PLEC: variants seen among roughly 807,000 people sequenced by gnomAD.
The protein encoded by PLEC is plectin, also known as hemidesmosomal protein 1.
In PLEC, 216 loss-of-function variants were observed where a neutral mutation model predicts 392.8. The ratio of observed to expected loss-of-function variants is 0.55; its 90% CI spans 0.49 to 0.62. The LOEUF is 0.62. Ranked by LOEUF, PLEC falls within the 20% of genes least tolerant of loss-of-function variation. The pLI, the probability that PLEC is intolerant of heterozygous loss-of-function variation, is 0.00. For synonymous variants in PLEC, 3,621 were observed against 2,980.6 expected (o/e 1.21, Z -7.00); for missense variants, 6,863 against 6,563.4 (o/e 1.05, Z -1.58).
At chr8:143,929,860 G>A (rs1232961538) in intron 22 of PLEC, 31 bp from the exon 23 acceptor site, 6 of 1,600,144 alleles carry the variant, frequency 3.7e-6, no homozygotes, top group African/African-American at 1.3e-5. Flanking sequence ...TGAGTGCCGG[G>A]CGAGGCGGCC....
At chr8:143,957,928 C>T (rs368782132), upstream of PLEC, among the ~76,000 whole-genome samples, 32 of 152,220 alleles carry the variant, frequency 2.1e-4, no homozygotes, top group African/African-American at 7.2e-4. Context: ...GACAGGCAGA[C>T]ACCCTGCTGG....
At chr8:143,957,184 G>A (rs1312027199), upstream of PLEC, among the ~76,000 whole-genome samples, 2 of 152,202 alleles carry the variant, frequency 1.3e-5, no homozygotes, top group African/African-American at 2.4e-5. Context: ...AAAGGGAGCT[G>A]GGGTAGAGGA....
rs1821166848 is a variant in PLEC, at chr8:143,918,122, G to A, written c.11699C>T (p.Ser3900Leu). Reference protein sequence around the residue: ...KQITMEELVRSQVMDEATALQ... With the variant: ...KQITMEELVRLQVMDEATALQ... Reference sequence around the variant, plus strand: ...CGCCGTGGCCTCGTCCATGACCTGCGAGCGCACCAGCTCCTCCATGGTGAT... The same window carrying A: ...CGCCGTGGCCTCGTCCATGACCTGCAAGCGCACCAGCTCCTCCATGGTGAT... The change falls in exon 32 of 32, where the codon TCG (serine) becomes TTG (leucine). Residue 3900 changes from serine (S) to leucine (L), a missense_variant. Physicochemically the swap from Ser to Leu is moderately radical, Grantham distance 145. Coordinates refer to ENST00000345136, the MANE Select transcript of PLEC (RefSeq NM_201384.3). 3 of 1,598,622 alleles carry A rather than the reference G, an allele frequency of 1.9e-6. No homozygotes were observed. The highest frequency in any genetic ancestry group is 1.1e-5 in the South Asian group (1 of 90,518).
At position 143,922,207 on chromosome 8, in the gene PLEC, C is replaced by T. The variant is rs1554688848; in HGVS notation, c.7614G>A (p.Gln2538=). 2 of 1,555,704 alleles carry T rather than the reference C, an allele frequency of 1.3e-6. No homozygotes were observed. Among genetic ancestry groups the T allele is most frequent in the Admixed American group, 1.9e-5 (1 of 52,300 alleles). The change falls in exon 32 of 32, where the codon CAG becomes CAA. Residue 2538 remains glutamine (Q), a synonymous_variant. Coordinates refer to ENST00000345136, the MANE Select transcript of PLEC (RefSeq NM_201384.3). ...GCTGCCGTTCCTGCTCCATCTGCTG[C>T]TGCTGCCGCTGCTGCTCCTCACGCA... ...QQLREEQQRQ[Q]QQMEQERQRL...
At position 143,919,446 on chromosome 8, in the gene PLEC, G is replaced by C. The variant is rs1586800800; in HGVS notation, c.10375C>G (p.Gln3459Glu). 1 of 1,613,226 alleles carries C rather than the reference G, an allele frequency of 6.2e-7. No homozygotes were observed. The change falls in exon 32 of 32, where the codon CAG becomes GAG. Residue 3459 changes from glutamine to glutamate, a missense_variant. Gln to Glu is a conservative substitution (Grantham distance 29). Transcript: ENST00000345136. The stretch of plus-strand genomic sequence containing the variant: ...GCCTCCAGCAGGCGGATGCCGTGCT[G>C]CCGGAGAACCAGGCCCTTCTGCATG... The part of the protein sequence containing the change: ...QAMQKGLVLR[Q>E]HGIRLLEAQI...
At chr8:143,950,445 G>C (rs889881133) in exon 1 of PLEC, 1 of 1,603,816 alleles carries the variant, frequency 6.2e-7, no homozygotes, top group African/African-American at 1.3e-5. Context: ...TCTGGCGGCA[G>C]GTGCAGGTAC....
Position 143,927,764 on chromosome 8 carries a change from C to T in PLEC, c.3402G>A (p.Lys1134=), listed in dbSNP as rs1825755355. Residue 1134 remains lysine (K), a splice_region_variant and synonymous_variant, in exon 27 of 32, where the codon AAG becomes AAA. Transcript: ENST00000345136. ...ELEATKASLK[K]LRAQAEAQQP... is the part of the protein sequence containing the mutation. Reference sequence around the variant, plus strand: ...GCTGTGCCTCGGCCTGGGCCCGCAGCTTCTGTTGGGGACAGGAGGGACATG... The same window carrying T: ...GCTGTGCCTCGGCCTGGGCCCGCAGTTTCTGTTGGGGACAGGAGGGACATG... 1.2e-6 allele frequency: 2 copies of T among 1,600,870 alleles called. No individual in the cohort carries two copies.
intron 1 of PLEC, among the ~76,000 whole-genome samples, chr8:143,968,530 A>AAAAAAAAAAAG (rs1491388258): frequency 2.4e-5 from 2 of 83,604 alleles, no homozygotes; most frequent in African/African-American, 5.3e-5. Context: ...ACTCCATCTC[A>AAAAAAAAAAAG]AAAAAAAAAA....
rs1833508249 is a variant in PLEC, at chr8:143,973,018, G to A, written c.70+385C>T. ...CTATGTGACCCATTGCCAGGCGGCGGAGCTGCCCCTGTTCCATGCAGACGC... is the reference window on the plus strand; with the variant it reads ...CTATGTGACCCATTGCCAGGCGGCGAAGCTGCCCCTGTTCCATGCAGACGC... On this transcript the variant is annotated intron_variant, in intron 1 of 31. Coordinates refer to the PLEC transcript ENST00000356346. This position sits in a 1 kb window ranked among gnomAD's most constrained non-coding sequence, Gnocchi z 5.6. Among the ~76,000 whole-genome samples, 1 of 152,208 alleles carries A rather than the reference G, an allele frequency of 6.6e-6. No individual in the cohort carries two copies. The highest frequency in any genetic ancestry group is 1.5e-5 in the Non-Finnish European group (1 of 68,026).
In PLEC at chr8:143,919,089, C is replaced by T. The variant is rs782222673; in HGVS notation, c.10732G>A (p.Gly3578Ser). The T allele has an allele frequency of 5.6e-5, 90 of 1,611,626 alleles. 1 individual carries two copies. The highest frequency in any genetic ancestry group is 1.6e-4 in the Middle Eastern group (1 of 6,082). ...EETQIDIPGG[G>S]SHGGSTMSLW... ...GACATGGTGGAGCCGCCGTGGCTGC[C>T]GCCGCCGGGAATGTCGATCTGTGTC... The change falls in exon 32 of 32, where the codon GGC becomes AGC. Residue 3578 changes from glycine to serine, a missense_variant. By Grantham distance (56) the Gly-to-Ser change is moderately conservative. Coordinates refer to ENST00000345136, the MANE Select transcript of PLEC (RefSeq NM_201384.3).
upstream of PLEC, among the ~76,000 whole-genome samples, chr8:143,974,810 AG>A (rs1425236355): frequency 4.6e-5 from 7 of 152,200 alleles, no homozygotes; most frequent in African/African-American, 1.7e-4. This position sits in a 1 kb window ranked among gnomAD's most constrained non-coding sequence, Gnocchi z 5.9. Flanking sequence ...CCAGACAACC[AG>A]GTACCCCCTC....
intron 1 of PLEC, chr8:143,946,460 G>A: frequency 8.1e-7 from 1 of 1,227,972 alleles, no homozygotes; most frequent in African/African-American, 1.6e-5. Context: ...AGGAGGGAAG[G>A]GGTGGGAGGC....
chr8:143,927,603 C>A lies in PLEC; in HGVS notation c.3563G>T (p.Trp1188Leu), dbSNP rs1554708026. Residue 1188 changes from tryptophan to leucine, a missense_variant, in exon 27 of 32, where the codon TGG becomes TTG. By Grantham distance (61) the Trp-to-Leu change is moderately conservative. Coordinates refer to ENST00000345136, the MANE Select transcript of PLEC (RefSeq NM_201384.3). ...GTCGGTCTGGGCCAGCACAGCCTGC[C>A]AGCGCTCAAGCAACTGGGCGACCCG... ...RERVAQLLER[W>L]QAVLAQTDVR... is the part of the protein sequence containing the mutation. 6.3e-7 allele frequency: 1 copy of A among 1,587,740 alleles called. No individual in the cohort carries two copies.
upstream of PLEC, among the ~76,000 whole-genome samples, chr8:143,951,802 G>A (rs954984798): frequency 3.9e-5 from 6 of 152,172 alleles, no homozygotes; most frequent in Non-Finnish European, 7.4e-5. Context: ...AGGGCCCAAG[G>A]GAAGGGAAGA....
chr8:143,920,361 G>T lies in PLEC; in HGVS notation c.9460C>A (p.Leu3154Met). 1 of 1,594,034 alleles carries T rather than the reference G, an allele frequency of 6.3e-7. No individual in the cohort carries two copies. The highest frequency in any genetic ancestry group is 1.1e-5 in the South Asian group (1 of 90,152). ...CAGCCTCGGGCGCAGGCGACATCCAGGGGCACGCGGTGGCTCTTGCTGGGG... is the reference window on the plus strand; with the variant it reads ...CAGCCTCGGGCGCAGGCGACATCCATGGGCACGCGGTGGCTCTTGCTGGGG... Reference protein sequence around the residue: ...VDPSKSHRVPLDVACARGCLD... With the variant: ...VDPSKSHRVPMDVACARGCLD... The change falls in exon 32 of 32, where the codon CTG becomes ATG. Residue 3154 changes from leucine to methionine, a missense_variant. By Grantham distance (15) the Leu-to-Met change is conservative. Coordinates refer to ENST00000345136, the MANE Select transcript of PLEC (RefSeq NM_201384.3).
chr8:143,935,921 C>G lies in PLEC; in HGVS notation c.529G>C (p.Gly177Arg). 3 of 1,612,940 alleles carry G rather than the reference C, an allele frequency of 1.9e-6. No homozygotes were observed. The highest frequency in any genetic ancestry group is 2.5e-6 in the Non-Finnish European group (3 of 1,179,970). Residue 177 changes from glycine (G) to arginine (R), a missense_variant, in exon 6 of 32, where the codon GGC becomes CGC. Gly to Arg is a moderately radical substitution (Grantham distance 125). Transcript: ENST00000345136. ...WSQRMVEGYQ[G>R]LRCDNFTSSW... ...GAGGTGAAGTTGTCGCATCGCAGGC[C>G]CTGGTACCCCTCCACCATTCGCTGC... is the stretch of plus-strand genomic sequence containing the variant.
At chr8:143,953,829 C>T, upstream of PLEC, 1 of 1,606,760 alleles carries the variant, frequency 6.2e-7, no homozygotes, top group South Asian at 1.1e-5. Flanking sequence ...AGCCCCGCAC[C>T]GCACTGCCCA....
Position 143,923,831 on chromosome 8 carries a change from G to A in PLEC, c.6098C>T (p.Ala2033Val), listed in dbSNP as rs782712639. 7.9e-5 allele frequency: 125 copies of A among 1,585,938 alleles called. No individual in the cohort carries two copies. Among genetic ancestry groups the A allele is most frequent in the South Asian group, 1.1e-4 (10 of 89,260 alleles). Reference protein sequence around the residue: ...RLRERAEQESARQLQLAQEAA... With the variant: ...RLRERAEQESVRQLQLAQEAA... ...CTCCTGGGCCAGCTGCAGCTGCCGC[G>A]CCGACTCCTGCTCCGCTCGCTCCCG... Residue 2033 changes from alanine (A) to valine (V), a missense_variant, in exon 31 of 32, where the codon GCG becomes GTG. Transcript: ENST00000345136.
intron 1 of PLEC, among the ~76,000 whole-genome samples, chr8:143,966,054 C>T (rs547762703): frequency 3.9e-4 from 59 of 152,292 alleles, no homozygotes; most frequent in Admixed American, 2.7e-3. Context: ...GCACTTCCCA[C>T]ATGCCCCCTG....
Sources: allele counts gnomAD v4.1 joint callset (sites outside exome capture counted in the v4.1 genomes callset), GRCh38; gene constraint gnomAD v4.1.1; non-coding constraint Gnocchi (gnomAD v3.1); transcripts MANE v1.5; gene names NCBI Gene and HGNC (gene_info 2026-07-23, HGNC 2026-07-21).